Variants in SYTL1 observed in about 807,000 individuals in gnomAD.
SYTL1 encodes the protein synaptotagmin like 1.
In SYTL1, 53 loss-of-function variants were observed where a neutral mutation model predicts 74.6. The observed-to-expected ratio is 0.71, with a 90% CI of 0.57 to 0.89. SYTL1 has a LOEUF of 0.89. SYTL1 is among the 40% of genes least tolerant of loss of function. The pLI, the probability that SYTL1 is intolerant of heterozygous loss-of-function variation, is 0.00. For synonymous variants in SYTL1, 329 were observed against 324.9 expected, an observed-to-expected ratio of 1.01 and a Z score of -0.14; for missense variants, 728 against 768.7, an observed-to-expected ratio of 0.95 and a Z score of 0.63.
At chr1:27,349,598 C>T in intron 7 of SYTL1, 54 bp from the exon 8 acceptor site, 1 of 1,541,618 alleles carries the variant, frequency 6.5e-7, no homozygotes, top group Non-Finnish European at 8.8e-7. Context: ...ACCCAGGGCG[C>T]TCGGGGCAGG....
intron 1 of SYTL1, among the ~76,000 whole-genome samples, chr1:27,344,612 G>A (rs2014915278): frequency 6.6e-6 from 1 of 150,628 alleles, no homozygotes. Flanking sequence ...AGCACTTTGG[G>A]AGGCTGAGGC....
chr1:27,346,224 CACACAG>C (rs1224709453), intron 2 of SYTL1, among the ~76,000 whole-genome samples: 4 of 152,166 alleles, frequency 2.6e-5, no homozygotes, highest in Non-Finnish European at 5.9e-5. Flanking sequence ...TCCGACCCGA[CACACAG>C]ACACAAAGTG....
In SYTL1 at chr1:27,350,070, G is replaced by A; in HGVS notation, c.846G>A (p.Glu282=). 6.7e-7 allele frequency: 1 copy of A among 1,501,338 alleles called. No homozygotes were observed. The allele number at this position is 1,501,338 out of a possible 1,614,324, so 93.0% of individuals were successfully genotyped here. A position where few individuals can be genotyped will look rare whatever the true frequency, so the allele number is the denominator to read the frequency against. The change falls in exon 9 of 15, where the codon GAG becomes GAA. Residue 282 remains glutamate (E), a synonymous_variant. Coordinates refer to ENST00000616558, the MANE Select transcript of SYTL1 (RefSeq NM_001193308.2). The surrounding 1 kb of genome is among the most constrained non-coding windows in gnomAD (Gnocchi z 6.3). ...FALHYEPGAA[E]LRVHVIQCQG... is the part of the protein sequence containing the mutation. ...TGCACTACGAGCCGGGCGCCGCCGA[G>A]CTGCGCGTGCACGTGATCCAGTGCC... is the stretch of plus-strand genomic sequence containing the variant.
Position 27,351,093 on chromosome 1 carries a change from C to A in SYTL1, c.1164+141C>A. ...CTTAACCTCATGGCCCCAGGCGAAG[C>A]CCGGCCGGCCACGGCCCCTTCCCCG... is the stretch of plus-strand genomic sequence containing the variant. On this transcript the variant is annotated intron_variant, in intron 11 of 14. Coordinates refer to ENST00000616558, the MANE Select transcript of SYTL1 (RefSeq NM_001193308.2). This position sits in a 1 kb window ranked among gnomAD's most constrained non-coding sequence, Gnocchi z 5.0. 7.5e-7 allele frequency: 1 copy of A among 1,333,392 alleles called. No homozygotes were observed. Among genetic ancestry groups the A allele is most frequent in the Non-Finnish European group, 1.0e-6 (1 of 983,188 alleles). 82.6% of individuals were successfully genotyped at this position (1,333,392 alleles called of 1,614,324 possible). A position where few individuals can be genotyped will look rare whatever the true frequency, so the allele number is the denominator to read the frequency against.
At position 27,350,152 on chromosome 1, in the gene SYTL1, A is replaced by G. The variant is rs2015197923; in HGVS notation, c.908+20A>G. The stretch of plus-strand genomic sequence containing the variant: ...GGACCCGTGAGTGCCCCGCCGGCCA[A>G]GCGGGGCGCGGCTGTCACAGCCCAG... On this transcript the variant is annotated intron_variant, in intron 9 of 14. Transcript: ENST00000616558. The surrounding 1 kb of genome is among the most constrained non-coding windows in gnomAD (Gnocchi z 6.3). 2 of 1,401,158 alleles carry G rather than the reference A, an allele frequency of 1.4e-6. No homozygotes were observed. Among genetic ancestry groups the G allele is most frequent in the Non-Finnish European group, 1.9e-6 (2 of 1,077,916 alleles). The allele number at this position is 1,401,158 out of a possible 1,614,324, so 86.8% of individuals were successfully genotyped here. A position where few individuals can be genotyped will look rare whatever the true frequency, so the allele number is the denominator to read the frequency against.
rs2015074374 is a variant in SYTL1, at chr1:27,347,929, G to A, written c.414-38G>A. ...GGAGATGGTGCCCACCAGTCACCAG[G>A]GTCCCTCCCTCTGAGAGCGTCCTCT... On this transcript the variant is annotated intron_variant, in intron 4 of 14. Transcript: ENST00000616558. This position sits in a 1 kb window ranked among gnomAD's most constrained non-coding sequence, Gnocchi z 4.9. 1 of 1,613,936 alleles carries A rather than the reference G, an allele frequency of 6.2e-7. No individual in the cohort carries two copies.
chr1:27,349,762 C>T lies in SYTL1; in HGVS notation c.744C>T (p.Ser248=), dbSNP rs1261944524. Reference sequence around the variant, plus strand: ...CCTCGGTGTCCAGCCTTAACTCCTCCACGGTGAGGCGGGAGGGAGGGGACC... The same window carrying T: ...CCTCGGTGTCCAGCCTTAACTCCTCTACGGTGAGGCGGGAGGGAGGGGACC... ...SSSSVSSLNS[S]TLSGSQMSLS... is the part of the protein sequence containing the mutation. The change falls in exon 8 of 15, where the codon TCC becomes TCT. Residue 248 remains serine, a synonymous_variant. Coordinates refer to ENST00000616558, the MANE Select transcript of SYTL1 (RefSeq NM_001193308.2). 6.3e-7 allele frequency: 1 copy of T among 1,597,952 alleles called. No individual in the cohort carries two copies. The highest frequency in any genetic ancestry group is 8.5e-7 in the Non-Finnish European group (1 of 1,176,804).
Position 27,349,402 on chromosome 1 carries a change from T to C in SYTL1, c.537T>C (p.Pro179=). 1 of 1,446,306 alleles carries C rather than the reference T, an allele frequency of 6.9e-7. No individual in the cohort carries two copies. The highest frequency in any genetic ancestry group is 9.1e-7 in the Non-Finnish European group (1 of 1,097,330). 89.6% of individuals were successfully genotyped at this position (1,446,306 alleles called of 1,614,324 possible). A position where few individuals can be genotyped will look rare whatever the true frequency, so the allele number is the denominator to read the frequency against. Reference sequence around the variant, plus strand: ...GCATCTCGTGCCCCACCCCAGATCCTGGCCAAGGAGACCAACAGGTCTGTG... The same window carrying C: ...GCATCTCGTGCCCCACCCCAGATCCCGGCCAAGGAGACCAACAGGTCTGTG... The part of the protein sequence containing the change: ...PEEASQAQED[P]GQGDQQVCAE... The change falls in exon 7 of 15, where the codon CCT becomes CCC. Residue 179 remains proline, a synonymous_variant. Coordinates refer to ENST00000616558, the MANE Select transcript of SYTL1 (RefSeq NM_001193308.2).
At chr1:27,349,798 G>C (rs145411679) in intron 8 of SYTL1, 33 bp downstream of exon 8, 50,213 of 1,565,026 alleles carry the variant, frequency 0.032, 954 homozygotes, top group Middle Eastern at 0.047. Context: ...CGGGCGGCCG[G>C]GGGGTGGACC....
Position 27,347,495 on chromosome 1 carries a change from C to G in SYTL1, c.266C>G (p.Ser89Cys), listed in dbSNP as rs746172711. 1.2e-6 allele frequency: 2 copies of G among 1,614,148 alleles called. No homozygotes were observed. The highest frequency in any genetic ancestry group is 1.1e-5 in the South Asian group (1 of 91,092). Residue 89 changes from serine (S) to cysteine (C), a missense_variant, in exon 3 of 15, where the codon TCC (serine) becomes TGC (cysteine). Physicochemically the swap from Ser to Cys is moderately radical, Grantham distance 112. Transcript: ENST00000616558. The surrounding 1 kb of genome is among the most constrained non-coding windows in gnomAD (Gnocchi z 4.9). ...LTGDWFQEAR[S>C]QRHHNAHFGS... ...GGGGACTGGTTCCAGGAAGCACGCT[C>G]CCAGCGGCACCACAATGCCCACTTC... is the stretch of plus-strand genomic sequence containing the variant.
Position 27,353,328 on chromosome 1 carries a change from G to C in SYTL1, c.1389G>C (p.Arg463Ser), listed in dbSNP as rs766808880. The change falls in exon 14 of 15, where the codon AGG (arginine) becomes AGC (serine). Residue 463 changes from arginine (R) to serine (S), a missense_variant. Arg to Ser is a moderately radical substitution (Grantham distance 110). Transcript: ENST00000616558. ...DDSQASRQRTRVVRRSLSPVF... is the reference protein window; with the variant it reads ...DDSQASRQRTSVVRRSLSPVF... The stretch of plus-strand genomic sequence containing the variant: ...GCCAGGCCAGCCGCCAGCGTACAAG[G>C]GTTGTGCGACGCAGCCTCAGCCCTG... 1.2e-6 allele frequency: 2 copies of C among 1,608,340 alleles called. No homozygotes were observed. The highest frequency in any genetic ancestry group is 1.3e-5 in the African/African-American group (1 of 74,858).
chr1:27,344,783 T>C (rs1571028596), intron 1 of SYTL1: 1 of 138,272 alleles, frequency 7.2e-6, no homozygotes, highest in South Asian at 2.3e-4. Context: ...CAGGCAGTGG[T>C]TGCAGTGAGA....
Position 27,349,485 on chromosome 1 carries a change from C to T in SYTL1, c.620C>T (p.Pro207Leu). 1.4e-6 allele frequency: 2 copies of T among 1,453,538 alleles called. No homozygotes were observed. The highest frequency in any genetic ancestry group is 1.8e-6 in the Non-Finnish European group (2 of 1,102,794). 90.0% of individuals were successfully genotyped at this position (1,453,538 alleles called of 1,614,324 possible). ...TCGGGGGGAGAGCAGGAGCCGCGGC[C>T]CCAGCAAGCCCAGGTAGGCGGGAGT... ...PASGGEQEPR[P>L]QQAQTKAASQ... The change falls in exon 7 of 15, where the codon CCC becomes CTC. Residue 207 changes from proline (P) to leucine (L), a missense_variant. By Grantham distance (98) the Pro-to-Leu change is moderately conservative. Coordinates refer to ENST00000616558, the MANE Select transcript of SYTL1 (RefSeq NM_001193308.2).
Position 27,348,108 on chromosome 1 carries a change from G to A in SYTL1, c.459+96G>A. ...GAAAGAGCCCCAGCCTGGGAATGGG[G>A]AGACCCTGGAAATGTTCCTTCCTGT... On this transcript the variant is annotated intron_variant, in intron 5 of 14. Coordinates refer to ENST00000616558, the MANE Select transcript of SYTL1 (RefSeq NM_001193308.2). The surrounding 1 kb of genome is among the most constrained non-coding windows in gnomAD (Gnocchi z 4.1). 8.1e-7 allele frequency: 1 copy of A among 1,228,562 alleles called. No individual in the cohort carries two copies. Among genetic ancestry groups the A allele is most frequent in the Non-Finnish European group, 1.2e-6 (1 of 835,500 alleles). The allele number at this position is 1,228,562 out of a possible 1,614,324, so 76.1% of individuals were successfully genotyped here.
chr1:27,349,906 G>T, intron 8 of SYTL1, 66 bp from the exon 9 acceptor site: 4 of 1,545,594 alleles, frequency 2.6e-6, no homozygotes, highest in Non-Finnish European at 3.5e-6. Flanking sequence ...TGAAGCCTCC[G>T]CGCTGCCCGC....
At position 27,343,453 on chromosome 1, in the gene SYTL1, C is replaced by G. The variant is rs1466500464; in HGVS notation, c.-39+1303C>G. On this transcript the variant is annotated intron_variant, in intron 1 of 14. Transcript: ENST00000616558. The surrounding 1 kb of genome is among the most constrained non-coding windows in gnomAD (Gnocchi z 5.2). The stretch of plus-strand genomic sequence containing the variant: ...GTGGGAGTGGGTGCGGCAGTTACCT[C>G]AGGAGAGGAAGTTGGGGGTGTGGGC... 1.3e-5 allele frequency among the ~76,000 whole-genome samples: 2 copies of G among 151,996 alleles called. No homozygotes were observed. Among genetic ancestry groups the G allele is most frequent in the Non-Finnish European group, 2.9e-5 (2 of 68,006 alleles).
rs373228758 is a variant in SYTL1 at position 27,353,714 on chromosome 1, C to G, written c.1551C>G (p.Gly517=). The G allele has an allele frequency of 9.9e-6, 16 of 1,612,242 alleles. No homozygotes were observed. Among genetic ancestry groups the G allele is most frequent in the Middle Eastern group, 3.4e-4 (2 of 5,802 alleles). Residue 517 remains glycine (G), a splice_region_variant and synonymous_variant, in exon 15 of 15, where the codon GGC becomes GGG. Transcript: ENST00000616558. ...CAACCCCTGCCCACCCACATCCAGG[C>G]AGCAGCTATGGGCTGCAGGTGCCCT... ...LGGTRLSLGT[G]SSYGLQVPWM...
In SYTL1 at chr1:27,350,785, T is replaced by C; in HGVS notation, c.1006-9T>C. 1 of 1,613,548 alleles carries C rather than the reference T, an allele frequency of 6.2e-7. No homozygotes were observed. The highest frequency in any genetic ancestry group is 8.5e-7 in the Non-Finnish European group (1 of 1,179,868). ...CAGTGCTCCACTAAAGCTCACCTCC[T>C]GTCCTCAGTACTCCGTCCCGCAGGC... is the stretch of plus-strand genomic sequence containing the variant. On this transcript the variant is annotated splice_polypyrimidine_tract_variant and intron_variant, in intron 10 of 14. Transcript: ENST00000616558. The surrounding 1 kb of genome is among the most constrained non-coding windows in gnomAD (Gnocchi z 6.3).
Position 27,349,797 on chromosome 1 carries a change from G to C in SYTL1, c.747+32G>C, listed in dbSNP as rs777188890. ...CGGGAGGGAGGGGACCCGGGCGGCC[G>C]GGGGGTGGACCCGTTCCGATGCGTA... On this transcript the variant is annotated intron_variant, in intron 8 of 14. Coordinates refer to ENST00000616558, the MANE Select transcript of SYTL1 (RefSeq NM_001193308.2). The C allele has an allele frequency of 2.4e-5, 38 of 1,564,000 alleles. No individual in the cohort carries two copies. In the Middle Eastern group the frequency reaches 8.4e-4, roughly 34 times the overall value.
Sources: allele counts gnomAD v4.1 joint callset (sites outside exome capture counted in the v4.1 genomes callset), GRCh38; gene constraint gnomAD v4.1.1; non-coding constraint Gnocchi (gnomAD v3.1); transcripts MANE v1.5; gene names NCBI Gene and HGNC (gene_info 2026-07-23, HGNC 2026-07-21).